HS6ST3: variants seen among roughly 807,000 people sequenced by gnomAD.
HS6ST3 encodes heparan sulfate 6-O-sulfotransferase 3.
HS6ST3 carries 12 observed loss-of-function variants against 36.7 expected under a neutral mutation model. The ratio of observed to expected loss-of-function variants is 0.33; its 90% CI spans 0.21 to 0.53. The LOEUF is 0.53. Among genes scored for constraint, HS6ST3 ranks in the 20% least tolerant of loss-of-function variants. The pLI is 0.95. For synonymous variants in HS6ST3, 240 were observed against 257.5 expected (o/e 0.93, Z 0.65); for missense variants, 584 against 640.9 (o/e 0.91, Z 0.96).
At chr13:96,826,793 A>G (rs1878658285) in intron 1 of HS6ST3, among the ~76,000 whole-genome samples, 1 of 152,240 alleles carries the variant, frequency 6.6e-6, no homozygotes, top group South Asian at 2.1e-4. Context: ...AAATGTGTGT[A>G]TTCCATTTGG....
At chr13:96,430,741 G>A (rs1175512055) in intron 1 of HS6ST3, among the ~76,000 whole-genome samples, 1 of 152,176 alleles carries the variant, frequency 6.6e-6, no homozygotes, top group East Asian at 1.9e-4. Flanking sequence ...CAAAGGTGAA[G>A]GTCAATTCAG....
intron 1 of HS6ST3, among the ~76,000 whole-genome samples, chr13:96,181,600 G>A (rs1427762950): frequency 6.6e-6 from 1 of 152,150 alleles, no homozygotes; most frequent in Non-Finnish European, 1.5e-5. Flanking sequence ...TCTTGCTGGG[G>A]TCTCTGTCTT....
At chr13:96,358,874 ATCT>A (rs2055223084) in intron 1 of HS6ST3, among the ~76,000 whole-genome samples, 1 of 60,984 alleles carries the variant, frequency 1.6e-5, no homozygotes, top group Non-Finnish European at 3.3e-5. Flanking sequence ...TATATAATCT[ATCT>A]ATCTATCTAT....
At chr13:96,766,613 A>G (rs1393593005) in intron 1 of HS6ST3, among the ~76,000 whole-genome samples, 1 of 152,188 alleles carries the variant, frequency 6.6e-6, no homozygotes, top group Non-Finnish European at 1.5e-5. Context: ...GTAATCCATC[A>G]AAAGAATTGC....
At chr13:96,502,212 T>A (rs1261265954) in intron 1 of HS6ST3, among the ~76,000 whole-genome samples, 1 of 152,186 alleles carries the variant, frequency 6.6e-6, no homozygotes, top group Non-Finnish European at 1.5e-5. Context: ...GAAATGCCAG[T>A]TTCTGATATC....
chr13:96,416,957 A>T (rs555068759), intron 1 of HS6ST3, among the ~76,000 whole-genome samples: 1 of 152,100 alleles, frequency 6.6e-6, no homozygotes, highest in East Asian at 1.9e-4. Context: ...TCACCATGTT[A>T]GCCAGGATGG....
intron 1 of HS6ST3, among the ~76,000 whole-genome samples, chr13:96,609,272 T>C (rs1257151007): frequency 2.0e-5 from 3 of 152,112 alleles, no homozygotes; most frequent in Non-Finnish European, 2.9e-5. Context: ...GGCCGGCCTC[T>C]TTTATTTTAA....
At chr13:96,386,166 C>T (rs2055366789) in intron 1 of HS6ST3, among the ~76,000 whole-genome samples, 1 of 152,240 alleles carries the variant, frequency 6.6e-6, no homozygotes, top group South Asian at 2.1e-4. Flanking sequence ...AATTGACCAC[C>T]TGCCCTCAGG....
At chr13:96,765,060 CTTTTTT>C (rs11423735) in intron 1 of HS6ST3, among the ~76,000 whole-genome samples, 1 of 93,910 alleles carries the variant, frequency 1.1e-5, no homozygotes, top group Non-Finnish European at 2.0e-5. Context: ...TTGTTTCTTT[CTTTTTT>C]TTTTTTTTTT....
intron 1 of HS6ST3, among the ~76,000 whole-genome samples, chr13:96,372,887 G>A (rs769484800): frequency 1.4e-4 from 21 of 151,864 alleles, no homozygotes; most frequent in African/African-American, 4.4e-4. Flanking sequence ...TTTCCATCTC[G>A]TATTGAACTT....
rs369639785 is a variant in HS6ST3 at position 96,260,393 on chromosome 13, G to A, written c.707+168824G>A. ...GTGGCACAATTTCGGCTCACTGCAAGCTCTGCCTCCTGGGTTCAAGCCATT... is the reference window on the plus strand; with the variant it reads ...GTGGCACAATTTCGGCTCACTGCAAACTCTGCCTCCTGGGTTCAAGCCATT... On this transcript the variant is annotated intron_variant, in intron 1 of 1. Transcript: ENST00000376705. Among the ~76,000 whole-genome samples, 12 of 148,992 alleles carry A rather than the reference G, an allele frequency of 8.1e-5. No homozygotes were observed. The East Asian group carries it at 8.3e-4, about 10-fold the overall frequency.
chr13:96,774,075 G>T (rs1441981934), intron 1 of HS6ST3, among the ~76,000 whole-genome samples: 1 of 152,142 alleles, frequency 6.6e-6, no homozygotes, highest in African/African-American at 2.4e-5. Flanking sequence ...CAGCCAATAT[G>T]CAGAAAAGGG....
chr13:96,309,384 T>G (rs1204749517), intron 1 of HS6ST3, among the ~76,000 whole-genome samples: 1 of 152,186 alleles, frequency 6.6e-6, no homozygotes, highest in Non-Finnish European at 1.5e-5. Flanking sequence ...GATAAAAATT[T>G]AAATGTAACA....
At chr13:96,496,364 C>G (rs557765801) in intron 1 of HS6ST3, among the ~76,000 whole-genome samples, 4 of 152,162 alleles carry the variant, frequency 2.6e-5, no homozygotes, top group African/African-American at 9.7e-5. Flanking sequence ...TTTGTACACT[C>G]ACGCTGCTTG....
intron 1 of HS6ST3, among the ~76,000 whole-genome samples, chr13:96,368,086 C>T (rs956722212): frequency 6.6e-6 from 1 of 152,176 alleles, no homozygotes; most frequent in Non-Finnish European, 1.5e-5. Context: ...TTTGCCTCTA[C>T]CCCACAGAGC....
chr13:96,588,086 G>A (rs777393291), intron 1 of HS6ST3, among the ~76,000 whole-genome samples: 1 of 151,218 alleles, frequency 6.6e-6, no homozygotes, highest in Non-Finnish European at 1.5e-5. Context: ...GTTTATTTTT[G>A]TTTGCTGATT....
chr13:96,660,034 A>G (rs2056641035), intron 1 of HS6ST3, among the ~76,000 whole-genome samples: 1 of 152,062 alleles, frequency 6.6e-6, no homozygotes, highest in Non-Finnish European at 1.5e-5. Flanking sequence ...AGGCTTGCAA[A>G]CTCAATGATT....
At chr13:96,288,344 A>C (rs1230565296) in intron 1 of HS6ST3, among the ~76,000 whole-genome samples, 1 of 152,144 alleles carries the variant, frequency 6.6e-6, no homozygotes, top group Non-Finnish European at 1.5e-5. Flanking sequence ...ATTTCTTATA[A>C]TATAGTTTAT....
At chr13:96,810,352 TC>T (rs963041400) in intron 1 of HS6ST3, among the ~76,000 whole-genome samples, 56 of 152,148 alleles carry the variant, frequency 3.7e-4, no homozygotes, top group African/African-American at 1.3e-3. Flanking sequence ...AAGCAGACCT[TC>T]CCCACCCCCA....
Sources: allele counts gnomAD v4.1 joint callset (sites outside exome capture counted in the v4.1 genomes callset), GRCh38; gene constraint gnomAD v4.1.1; transcripts MANE v1.5; gene names NCBI Gene and HGNC (gene_info 2026-07-23, HGNC 2026-07-21).